Variants in EIF2AK1 observed in about 807,000 individuals in gnomAD.
EIF2AK1 encodes eukaryotic translation initiation factor 2 alpha kinase 1.
In EIF2AK1, 54 loss-of-function variants were observed where a neutral mutation model predicts 77.9. The ratio of observed to expected loss-of-function variants is 0.69; its 90% CI spans 0.56 to 0.87. The LOEUF is 0.87. Ranked by LOEUF, EIF2AK1 falls within the 40% of genes least tolerant of loss-of-function variation. The pLI, the probability that EIF2AK1 is intolerant of heterozygous loss-of-function variation, is 0.00. For missense variants in EIF2AK1, 810 were observed against 768.6 expected, an observed-to-expected ratio of 1.05 and a Z score of -0.64; for synonymous variants, 314 against 290.5, an observed-to-expected ratio of 1.08 and a Z score of -0.82.
chr7:6,028,534 G>A (rs2128885187), intron 13 of EIF2AK1, 81 bp downstream of exon 13: 4 of 1,419,820 alleles, frequency 2.8e-6, no homozygotes, highest in Non-Finnish European at 3.0e-6. Context: ...TTACAGGCGT[G>A]AGCCACTGCA....
rs368089496 is a variant in EIF2AK1, at chr7:6,044,528, C to A, written c.730+34G>T. 56 of 1,577,764 alleles carry A rather than the reference C, an allele frequency of 3.5e-5. No individual in the cohort carries two copies. In the African/African-American group the frequency reaches 6.9e-4, roughly 19 times the overall value. ...TGGTGCACGGGCTAAAGTTTGCCAA[C>A]GCTTCAACTACCATACCATCAAAAA... On this transcript the variant is annotated intron_variant, in intron 7 of 14. Coordinates refer to ENST00000199389, the MANE Select transcript of EIF2AK1 (RefSeq NM_014413.4).
Position 6,029,128 on chromosome 7 carries a change from C to T in EIF2AK1, c.1333-96G>A. ...TAAGTGTTTGGAACTCAGGAGCAAG[C>T]AGCCCCTCAAAAGTTAAATATTTGA... On this transcript the variant is annotated intron_variant, in intron 11 of 14. Transcript: ENST00000199389. The T allele has an allele frequency of 2.9e-6, 3 of 1,025,358 alleles. 1 individual carries two copies. The South Asian group carries it at 4.4e-5, about 15-fold the overall frequency. 63.5% of individuals were successfully genotyped at this position (1,025,358 alleles called of 1,614,324 possible). A position where few individuals can be genotyped will look rare whatever the true frequency, so the allele number is the denominator to read the frequency against.
chr7:6,054,461 C>T, intron 2 of EIF2AK1, 85 bp downstream of exon 2: 2 of 1,507,844 alleles, frequency 1.3e-6, no homozygotes, highest in South Asian at 2.4e-5. Context: ...ACCTCAGCCT[C>T]CCAAAGTGCT....
At chr7:6,054,783 T>C in intron 1 of EIF2AK1, 79 bp from the exon 2 acceptor site, 2 of 1,332,328 alleles carry the variant, frequency 1.5e-6, no homozygotes, top group Non-Finnish European at 2.1e-6. Context: ...TTCTAATTAA[T>C]GAAACATGAA....
intron 13 of EIF2AK1, chr7:6,028,196 C>A (rs750008680): frequency 6.4e-6 from 2 of 313,990 alleles, no homozygotes; most frequent in Non-Finnish European, 1.3e-5. Context: ...ATCTACAGTA[C>A]TCAGTTATCT....
At chr7:6,053,841 A>AT (rs34993470) in intron 2 of EIF2AK1, among the ~76,000 whole-genome samples, 98,356 of 145,786 alleles carry the variant, frequency 0.67, 32,935 homozygotes, top group East Asian at 0.85. Flanking sequence ...GTAGTTTTGC[A>AT]TTTTTTTTTT....
chr7:6,028,895 A>C (rs1166094227), intron 12 of EIF2AK1, 23 bp downstream of exon 12: 1 of 1,579,284 alleles, frequency 6.3e-7, no homozygotes. Context: ...TGCAAAGAAA[A>C]CAAAACAAAA....
rs749348423 is a variant in EIF2AK1 at position 6,044,511 on chromosome 7, G to A, written c.730+51C>T. ...CAAAGGCAGGCCAGATTTGGTGCACGGGCTAAAGTTTGCCAACGCTTCAAC... is the reference window on the plus strand; with the variant it reads ...CAAAGGCAGGCCAGATTTGGTGCACAGGCTAAAGTTTGCCAACGCTTCAAC... On this transcript the variant is annotated intron_variant, in intron 7 of 14. Transcript: ENST00000199389. 1.1e-4 allele frequency: 159 copies of A among 1,480,248 alleles called. No individual in the cohort carries two copies. The South Asian group carries it at 1.7e-3, about 16-fold the overall frequency. 91.7% of individuals were successfully genotyped at this position (1,480,248 alleles called of 1,614,324 possible).
chr7:6,029,124 C>A lies in EIF2AK1; in HGVS notation c.1333-92G>T, dbSNP rs1013001045. 6.7e-6 allele frequency: 7 copies of A among 1,046,696 alleles called. No homozygotes were observed. The East Asian group carries it at 1.8e-4, about 27-fold the overall frequency. 64.8% of individuals were successfully genotyped at this position (1,046,696 alleles called of 1,614,324 possible). A position where few individuals can be genotyped will look rare whatever the true frequency, so the allele number is the denominator to read the frequency against. On this transcript the variant is annotated intron_variant, in intron 11 of 14. Transcript: ENST00000199389. Reference sequence around the variant, plus strand: ...TTTTTAAGTGTTTGGAACTCAGGAGCAAGCAGCCCCTCAAAAGTTAAATAT... The same window carrying A: ...TTTTTAAGTGTTTGGAACTCAGGAGAAAGCAGCCCCTCAAAAGTTAAATAT...
intron 11 of EIF2AK1, chr7:6,031,225 C>A: frequency 1.4e-6 from 1 of 737,996 alleles, no homozygotes; most frequent in Non-Finnish European, 2.2e-6. Flanking sequence ...AGTCTGGACG[C>A]TTGGTTCCAA....
rs113811849 is a variant in EIF2AK1, at chr7:6,052,823, G to A, written c.277+1723C>T. On this transcript the variant is annotated intron_variant, in intron 2 of 14. Transcript: ENST00000199389. ...TCTATTAAAAATACAAAAATTACCC[G>A]GGCATGGTGGCACGTGCCTACCCCA... Among the ~76,000 whole-genome samples, 1,110 of 151,850 alleles carry A rather than the reference G, an allele frequency of 7.3e-3. 20 individuals are homozygous for A. The highest frequency in any genetic ancestry group is 0.026 in the African/African-American group (1,064 of 41,418).
chr7:6,050,038 G>A lies in EIF2AK1; in HGVS notation c.285C>T (p.Cys95=). 6.3e-7 allele frequency: 1 copy of A among 1,597,040 alleles called. No homozygotes were observed. The part of the protein sequence containing the change: ...LRSRQVFKLL[C]QTFIKMGLLS... ...GCAGCCCCATTTTGATAAACGTCTG[G>A]CAAAGTACTATAAAAAGAATATGAA... is the stretch of plus-strand genomic sequence containing the variant. Residue 95 remains cysteine, a synonymous_variant, in exon 3 of 15, where the codon TGC becomes TGT. Coordinates refer to ENST00000199389, the MANE Select transcript of EIF2AK1 (RefSeq NM_014413.4).
At chr7:6,039,898 C>T (rs1249445508) in intron 9 of EIF2AK1, among the ~76,000 whole-genome samples, 1 of 150,840 alleles carries the variant, frequency 6.6e-6, no homozygotes, top group African/African-American at 2.4e-5. Context: ...GATCATGCCA[C>T]TGTACTCCAG....
chr7:6,040,402 G>A lies in EIF2AK1; in HGVS notation c.1119+490C>T, dbSNP rs1788262491. Reference sequence around the variant, plus strand: ...TACTTAAAATACTGGGGAAAGCATGGTGGCAGCGTGGCCATGGAAGGAGGG... The same window carrying A: ...TACTTAAAATACTGGGGAAAGCATGATGGCAGCGTGGCCATGGAAGGAGGG... On this transcript the variant is annotated intron_variant, in intron 9 of 14. Coordinates refer to ENST00000199389, the MANE Select transcript of EIF2AK1 (RefSeq NM_014413.4). Among the ~76,000 whole-genome samples the A allele has an allele frequency of 5.9e-5, 9 of 152,218 alleles. No homozygotes were observed. The South Asian group carries it at 1.7e-3, about 28-fold the overall frequency.
At chr7:6,056,684 T>A (rs887482885) in intron 1 of EIF2AK1, among the ~76,000 whole-genome samples, 2 of 144,406 alleles carry the variant, frequency 1.4e-5, no homozygotes, top group African/African-American at 5.1e-5. Flanking sequence ...AGGCCATATG[T>A]CAGCACAACA....
chr7:6,047,527 G>A (rs1328117547), intron 4 of EIF2AK1, among the ~76,000 whole-genome samples: 1 of 152,036 alleles, frequency 6.6e-6, no homozygotes, highest in Non-Finnish European at 1.5e-5. Flanking sequence ...TCAAAAATTA[G>A]CCGGGTGTGG....
chr7:6,051,704 A>G (rs571757019), intron 2 of EIF2AK1, among the ~76,000 whole-genome samples: 1 of 152,056 alleles, frequency 6.6e-6, no homozygotes, highest in East Asian at 1.9e-4. Context: ...CTAGGATTAC[A>G]GGCGTGAGCC....
intron 4 of EIF2AK1, chr7:6,047,878 A>G (rs1266467271): frequency 6.6e-6 from 1 of 152,078 alleles, no homozygotes; most frequent in East Asian, 1.9e-4. Flanking sequence ...TGCTCCTGGG[A>G]GATCAAGGTC....
In EIF2AK1 at chr7:6,023,234, TC is replaced by T; in HGVS notation, c.*1438del. 2.0e-6 allele frequency: 3 copies of T among 1,501,750 alleles called. No homozygotes were observed. Among genetic ancestry groups the T allele is most frequent in the Non-Finnish European group, 2.7e-6 (3 of 1,131,362 alleles). 93.0% of individuals were successfully genotyped at this position (1,501,750 alleles called of 1,614,324 possible). On this transcript the variant is annotated 3_prime_UTR_variant, in exon 15 of 15. Transcript: ENST00000199389. ...CTGTGGTGTTTGGTGACTGTCCCCTTCCCCACTGTGCGAGTACTTCCCTCAG... is the reference window on the plus strand; with the variant it reads ...CTGTGGTGTTTGGTGACTGTCCCCTTCCCACTGTGCGAGTACTTCCCTCAG...
Sources: gnomAD v4.1 joint callset for allele counts (sites outside exome capture counted in the v4.1 genomes callset) on GRCh38, gnomAD v4.1.1 for gene constraint, MANE v1.5 for transcripts, NCBI Gene and HGNC (gene_info 2026-07-23, HGNC 2026-07-21) for gene names.